PLXNA4: variants seen among roughly 807,000 people sequenced by gnomAD.
PLXNA4 encodes plexin-A4.
A neutral mutation model predicts 191.8 loss-of-function variants in PLXNA4; 44 were observed. The observed-to-expected ratio is 0.23, with a 90% CI of 0.18 to 0.29. The LOEUF is 0.29. Ranked by LOEUF, PLXNA4 falls within the 10% of genes least tolerant of loss-of-function variation. The probability of loss-of-function intolerance (pLI) is 1.00; values close to 1 mark genes in which losing one functional copy is unlikely to be tolerated. For missense variants in PLXNA4, 1,800 were observed against 2,488.8 expected, an observed-to-expected ratio of 0.72 and a Z score of 5.89; for synonymous variants, 1,082 against 1,009.5, an observed-to-expected ratio of 1.07 and a Z score of -1.36.
At chr7:132,197,842 A>G (rs558525388) in intron 13 of PLXNA4, among the ~76,000 whole-genome samples, 1 of 152,350 alleles carries the variant, frequency 6.6e-6, no homozygotes, top group South Asian at 2.1e-4. Flanking sequence ...CACTCCAGGA[A>G]GTGCAACAAA....
At position 132,376,025 on chromosome 7, in the gene PLXNA4, C is replaced by T. The variant is rs114817222; in HGVS notation, c.1372-77803G>A. ...CACTGGCATGACCTTAGACCAATGC[C>T]TTCACTTCAAGGGTCTCAGCTTCCC... On this transcript the variant is annotated intron_variant, in intron 3 of 31. Transcript: ENST00000321063. Among the ~76,000 whole-genome samples, 381 of 152,294 alleles carry T rather than the reference C, an allele frequency of 2.5e-3. 1 individual carries two copies. The highest frequency in any genetic ancestry group is 8.7e-3 in the African/African-American group (362 of 41,564).
intron 2 of PLXNA4, among the ~76,000 whole-genome samples, chr7:132,587,316 G>A (rs549475136): frequency 6.6e-6 from 1 of 152,336 alleles, no homozygotes; most frequent in South Asian, 2.1e-4. Context: ...ACTTCAAGAT[G>A]TGAAAGTAGG....
At chr7:132,223,426 GCA>G (rs1798209385) in intron 9 of PLXNA4, 99 bp downstream of exon 9, 3 of 992,724 alleles carry the variant, frequency 3.0e-6, no homozygotes, top group East Asian at 2.6e-5. Flanking sequence ...GGGTGGTCCT[GCA>G]CAGTTTTCCT....
chr7:132,275,742 C>A (rs1484357740), intron 4 of PLXNA4, among the ~76,000 whole-genome samples: 1 of 152,234 alleles, frequency 6.6e-6, no homozygotes, highest in Non-Finnish European at 1.5e-5. Flanking sequence ...GTCTAGCACT[C>A]CTCTAGCTCT....
chr7:132,480,418 C>T (rs367592314), intron 3 of PLXNA4, among the ~76,000 whole-genome samples: 10 of 152,160 alleles, frequency 6.6e-5, no homozygotes, highest in South Asian at 4.2e-4. Flanking sequence ...AATAATGACC[C>T]GTGATTAGGA....
In PLXNA4 at chr7:132,146,955, A is replaced by G. The variant is rs1795454076; in HGVS notation, c.4865-255T>C. Among the ~76,000 whole-genome samples the G allele has an allele frequency of 2.6e-5, 4 of 152,328 alleles. No homozygotes were observed. The South Asian group carries it at 8.3e-4, about 32-fold the overall frequency. The stretch of plus-strand genomic sequence containing the variant: ...TTCTTCCTGTACTCTGCATCGTGTC[A>G]ACCCTTAATTATTCAATTTGTAAAA... On this transcript the variant is annotated intron_variant, in intron 27 of 31. Coordinates refer to ENST00000321063, the MANE Select transcript of PLXNA4 (RefSeq NM_020911.2).
chr7:132,234,678 C>T (rs1259251778), intron 5 of PLXNA4, among the ~76,000 whole-genome samples: 1 of 150,868 alleles, frequency 6.6e-6, no homozygotes, highest in African/African-American at 2.4e-5. Flanking sequence ...AGAAAAGGCC[C>T]ATTTCCTTAA....
intron 4 of PLXNA4, among the ~76,000 whole-genome samples, chr7:132,266,811 C>A (rs941793913): frequency 3.9e-5 from 6 of 152,170 alleles, no homozygotes; most frequent in Admixed American, 2.0e-4. Context: ...AAAGACATTT[C>A]TAGGGTACAG....
intron 3 of PLXNA4, among the ~76,000 whole-genome samples, chr7:132,361,044 T>C (rs1403330303): frequency 3.9e-5 from 6 of 152,214 alleles, no homozygotes; most frequent in African/African-American, 1.4e-4. Context: ...TTGAAGATAC[T>C]GGCCTTAACA....
intron 3 of PLXNA4, among the ~76,000 whole-genome samples, chr7:132,315,221 T>C (rs1178540768): frequency 5.3e-5 from 8 of 152,172 alleles, no homozygotes. Context: ...TCTGGGAGGC[T>C]TGTTTTCTCT....
intron 1 of PLXNA4, among the ~76,000 whole-genome samples, chr7:132,546,506 G>A (rs1399776130): frequency 1.3e-5 from 2 of 152,140 alleles, no homozygotes; most frequent in Admixed American, 1.3e-4. Context: ...TATCTGTGTG[G>A]CCAAAAACAG....
intron 2 of PLXNA4, among the ~76,000 whole-genome samples, chr7:132,489,891 C>T (rs147988814): frequency 1.7e-3 from 256 of 152,256 alleles, no homozygotes; most frequent in African/African-American, 5.9e-3. Flanking sequence ...ATGTGGTCTC[C>T]GTATCTATAC....
rs1364597477 is a variant in PLXNA4, at chr7:132,159,518, T to G, written c.4615A>C (p.Asn1539His). The change falls in exon 25 of 32, where the codon AAT (asparagine) becomes CAT (histidine). Residue 1539 changes from asparagine to histidine, a missense_variant. Physicochemically the swap from Asn to His is moderately conservative, Grantham distance 68. Coordinates refer to ENST00000321063, the MANE Select transcript of PLXNA4 (RefSeq NM_020911.2). ...TTGGGCCGGTGGGAGCAAGGCACAT[T>G]CTTGAAGATGGCATCCAGAATCTTC... ...KEKILDAIFKNVPCSHRPKAA... is the reference protein window; with the variant it reads ...KEKILDAIFKHVPCSHRPKAA... The G allele has an allele frequency of 1.2e-6, 2 of 1,613,720 alleles. No homozygotes were observed.
intron 1 of PLXNA4, among the ~76,000 whole-genome samples, chr7:132,528,684 C>G (rs1799505769): frequency 6.6e-6 from 1 of 152,204 alleles, no homozygotes; most frequent in South Asian, 2.1e-4. Context: ...GTTTACAATG[C>G]CTGGAACTGT....
chr7:132,447,834 AAAAAG>A (rs922044347), intron 3 of PLXNA4, among the ~76,000 whole-genome samples: 2 of 151,918 alleles, frequency 1.3e-5, no homozygotes, highest in Non-Finnish European at 2.9e-5. Context: ...TTAAAAAAAA[AAAAAG>A]ATTAAAACAC....
chr7:132,181,770 C>T (rs1796715855), intron 17 of PLXNA4, 150 bp from the exon 18 acceptor site: 1 of 1,412,804 alleles, frequency 7.1e-7, no homozygotes, highest in Non-Finnish European at 9.3e-7. Context: ...ATTGGGCACT[C>T]AAGGAATAGG....
intron 3 of PLXNA4, among the ~76,000 whole-genome samples, chr7:132,428,404 A>G (rs907742947): frequency 5.3e-5 from 8 of 152,236 alleles, no homozygotes; most frequent in Non-Finnish European, 1.2e-4. Context: ...TTAAGAAAGC[A>G]CAAACAATCC....
At chr7:132,300,921 T>C (rs927221781) in intron 3 of PLXNA4, among the ~76,000 whole-genome samples, 5 of 152,334 alleles carry the variant, frequency 3.3e-5, no homozygotes, top group African/African-American at 1.2e-4. Flanking sequence ...GCAGTCTCCT[T>C]TATCTTTCGA....
At chr7:132,163,928 A>G (rs1005358427) in intron 24 of PLXNA4, among the ~76,000 whole-genome samples, 2 of 152,238 alleles carry the variant, frequency 1.3e-5, no homozygotes, top group Non-Finnish European at 2.9e-5. Context: ...AATGTGTCTG[A>G]GCTACTGGTC....
Sources: allele counts gnomAD v4.1 joint callset (sites outside exome capture counted in the v4.1 genomes callset), GRCh38; gene constraint gnomAD v4.1.1; transcripts MANE v1.5; gene names NCBI Gene and HGNC (gene_info 2026-07-23, HGNC 2026-07-21).